Variants in TAOK3 observed in about 807,000 individuals in gnomAD.
TAOK3 encodes TAO kinase 3.
TAOK3 carries 40 observed loss-of-function variants against 120.4 expected under a neutral mutation model. The observed-to-expected ratio is 0.33, with a 90% CI of 0.26 to 0.43. The LOEUF (loss-of-function observed/expected upper bound fraction) is 0.43, where lower values mean the gene tolerates loss of function less well. Ranked by LOEUF, TAOK3 falls within the 20% of genes least tolerant of loss-of-function variation. The probability of loss-of-function intolerance (pLI) is 1.00; values close to 1 mark genes in which losing one functional copy is unlikely to be tolerated. For missense variants in TAOK3, 821 were observed against 1,112.1 expected, an observed-to-expected ratio of 0.74 and a Z score of 3.72; for synonymous variants, 355 against 387.5, an observed-to-expected ratio of 0.92 and a Z score of 0.99.
intron 1 of TAOK3, among the ~76,000 whole-genome samples, chr12:118,279,499 C>T (rs531573560): frequency 2.2e-4 from 33 of 151,204 alleles, no homozygotes; most frequent in Admixed American, 7.9e-4. Flanking sequence ...GGTCCTATGT[C>T]CAGAATGGTA....
At chr12:118,162,120 C>G in intron 17 of TAOK3, 93 bp from the exon 18 acceptor site, 3 of 1,469,468 alleles carry the variant, frequency 2.0e-6, no homozygotes, top group Non-Finnish European at 2.8e-6. Context: ...AGGAATGGCA[C>G]TGCTAACCAT....
At chr12:118,314,997 C>A (rs1229234551) in intron 1 of TAOK3, among the ~76,000 whole-genome samples, 3 of 151,728 alleles carry the variant, frequency 2.0e-5, no homozygotes, top group African/African-American at 7.3e-5. Context: ...GTGGCAAGAT[C>A]TAAGCTGGCT....
At chr12:118,276,425 G>A (rs1483373007) in intron 1 of TAOK3, among the ~76,000 whole-genome samples, 1 of 152,202 alleles carries the variant, frequency 6.6e-6, no homozygotes, top group African/African-American at 2.4e-5. Context: ...AATATGGCCG[G>A]GCGCGGTGGC....
At chr12:118,330,758 A>C (rs539628663) in intron 1 of TAOK3, among the ~76,000 whole-genome samples, 22 of 143,856 alleles carry the variant, frequency 1.5e-4, no homozygotes, top group African/African-American at 6.0e-4. Flanking sequence ...AAGAAAGAGG[A>C]GGACAAAAAA....
chr12:118,208,576 G>A (rs2038456944), intron 11 of TAOK3, among the ~76,000 whole-genome samples: 1 of 152,074 alleles, frequency 6.6e-6, no homozygotes, highest in Non-Finnish European at 1.5e-5. Context: ...AGTTCAAAAA[G>A]TATCAGTCTT....
At chr12:118,218,383 C>T (rs1017447540) in intron 9 of TAOK3, among the ~76,000 whole-genome samples, 7 of 152,050 alleles carry the variant, frequency 4.6e-5, no homozygotes, top group African/African-American at 1.7e-4. Flanking sequence ...GACTGGTTCC[C>T]GTTCCCCCCT....
chr12:118,369,910 C>G (rs2045850455), intron 1 of TAOK3, among the ~76,000 whole-genome samples: 1 of 152,114 alleles, frequency 6.6e-6, no homozygotes, highest in Non-Finnish European at 1.5e-5. Context: ...GAGTCCTGCT[C>G]TGTCGCCAGG....
intron 1 of TAOK3, among the ~76,000 whole-genome samples, chr12:118,289,643 T>C (rs186111009): frequency 6.6e-6 from 1 of 152,330 alleles, no homozygotes. Flanking sequence ...AGTACTTCCC[T>C]GTTTAGATAT....
chr12:118,367,869 A>T (rs1156533427), intron 1 of TAOK3, among the ~76,000 whole-genome samples: 4 of 152,128 alleles, frequency 2.6e-5, no homozygotes, highest in Non-Finnish European at 5.9e-5. Flanking sequence ...TCTAATTTTT[A>T]AAAAAGTACC....
chr12:118,355,004 G>A (rs1301214086), intron 1 of TAOK3, among the ~76,000 whole-genome samples: 1 of 152,024 alleles, frequency 6.6e-6, no homozygotes, highest in African/African-American at 2.4e-5. Flanking sequence ...GGCTGAGGCT[G>A]TGGTGAGCTA....
intron 1 of TAOK3, among the ~76,000 whole-genome samples, chr12:118,322,671 A>G (rs2043762972): frequency 6.7e-6 from 1 of 150,130 alleles, no homozygotes; most frequent in South Asian, 2.1e-4. Context: ...GTCAAGAACT[A>G]TCATTCTTGT....
chr12:118,272,812 A>G (rs2041765154), intron 1 of TAOK3, among the ~76,000 whole-genome samples: 1 of 152,020 alleles, frequency 6.6e-6, no homozygotes, highest in African/African-American at 2.4e-5. Context: ...TCTCTATGAA[A>G]TAAAATACAA....
At chr12:118,357,252 A>C (rs1047990318) in intron 1 of TAOK3, among the ~76,000 whole-genome samples, 1 of 152,212 alleles carries the variant, frequency 6.6e-6, no homozygotes, top group African/African-American at 2.4e-5. Context: ...CTTTTTCATA[A>C]GACATGATTA....
At chr12:118,309,123 G>A (rs1368287334) in intron 1 of TAOK3, among the ~76,000 whole-genome samples, 1 of 151,878 alleles carries the variant, frequency 6.6e-6, no homozygotes, top group East Asian at 1.9e-4. Context: ...GAGGTCAGGA[G>A]TTCGAGACCA....
intron 13 of TAOK3, among the ~76,000 whole-genome samples, chr12:118,196,118 C>T (rs948191481): frequency 6.6e-6 from 1 of 150,642 alleles, no homozygotes; most frequent in Admixed American, 6.6e-5. Context: ...GATTAGGATC[C>T]CCTCAGGGCC....
chr12:118,289,796 A>AC (rs949523154), intron 1 of TAOK3, among the ~76,000 whole-genome samples: 53 of 152,196 alleles, frequency 3.5e-4, no homozygotes, highest in African/African-American at 1.3e-3. Flanking sequence ...GGAGTTTGAG[A>AC]CCAGCCTGGC....
intron 1 of TAOK3, among the ~76,000 whole-genome samples, chr12:118,295,544 T>A (rs1046068052): frequency 6.6e-6 from 1 of 152,232 alleles, no homozygotes; most frequent in African/African-American, 2.4e-5. Flanking sequence ...TTTTGTGTAA[T>A]AGTTAAAAAT....
At chr12:118,323,769 G>A (rs2043818313) in intron 1 of TAOK3, among the ~76,000 whole-genome samples, 1 of 152,132 alleles carries the variant, frequency 6.6e-6, no homozygotes, top group Non-Finnish European at 1.5e-5. Context: ...TCATATATAG[G>A]TTTATGTAGG....
At position 118,160,741 on chromosome 12, in the gene TAOK3, CCT is replaced by C. The variant is rs1491254353; in HGVS notation, c.2140-385_2140-384del. 6.6e-6 allele frequency among the ~76,000 whole-genome samples: 1 copy of C among 152,118 alleles called. No homozygotes were observed. The highest frequency in any genetic ancestry group is 1.5e-5 in the Non-Finnish European group (1 of 68,012). On this transcript the variant is annotated intron_variant, in intron 18 of 20. Transcript: ENST00000392533. This position sits in a 1 kb window ranked among gnomAD's most constrained non-coding sequence, Gnocchi z 4.2. ...CTTCCATTGTTCATTGTTTTTCCCC[CCT>C]TTTTTTTTGTTTCTGTGTTTCACCC...
Sources: allele counts gnomAD v4.1 joint callset (sites outside exome capture counted in the v4.1 genomes callset), GRCh38; gene constraint gnomAD v4.1.1; non-coding constraint Gnocchi (gnomAD v3.1); transcripts MANE v1.5; gene names NCBI Gene and HGNC (gene_info 2026-07-23, HGNC 2026-07-21).